Variants in SLC2A9 observed in about 807,000 individuals in gnomAD.
The protein encoded by SLC2A9 is solute carrier family 2 member 9.
A neutral mutation model predicts 50.6 loss-of-function variants in SLC2A9; 39 were observed. The observed-to-expected ratio is 0.77, with a 90% CI of 0.60 to 1.01. SLC2A9 has a LOEUF of 1.01. SLC2A9 is among the 50% of genes least tolerant of loss of function. SLC2A9 has a pLI of 0.00. For missense variants in SLC2A9, 686 were observed against 677.6 expected (o/e 1.01, Z -0.14); for synonymous variants, 324 against 276.9 (o/e 1.17, Z -1.69).
chr4:9,788,435 C>G (rs1444108294), intron 3 of SLC2A9, among the ~76,000 whole-genome samples: 2 of 150,964 alleles, frequency 1.3e-5, no homozygotes. Flanking sequence ...AAACAGACCT[C>G]CTGCCTCAGC....
At chr4:9,787,507 T>G (rs1296970444) in intron 3 of SLC2A9, among the ~76,000 whole-genome samples, 1 of 152,228 alleles carries the variant, frequency 6.6e-6, no homozygotes, top group African/African-American at 2.4e-5. Context: ...CTGAGTCATC[T>G]AAGATGTGAT....
At chr4:9,885,026 G>A (rs936370922) in intron 10 of SLC2A9, among the ~76,000 whole-genome samples, 3 of 152,168 alleles carry the variant, frequency 2.0e-5, no homozygotes, top group Non-Finnish European at 4.4e-5. Flanking sequence ...TCTGGGGTGG[G>A]AGTGGAGGGA....
At chr4:9,894,307 C>G (rs566138742) in intron 8 of SLC2A9, among the ~76,000 whole-genome samples, 3 of 151,870 alleles carry the variant, frequency 2.0e-5, no homozygotes, top group African/African-American at 7.3e-5. Flanking sequence ...CAATCTTAGG[C>G]GAAAAGAGTA....
chr4:9,934,586 T>A (rs1045166572), intron 6 of SLC2A9, among the ~76,000 whole-genome samples: 1 of 152,218 alleles, frequency 6.6e-6, no homozygotes, highest in Non-Finnish European at 1.5e-5. Flanking sequence ...GAGGAAACAG[T>A]CATCTGGAGA....
Position 9,785,120 on chromosome 4 carries a change from G to A in SLC2A9, n.386-5055C>T, listed in dbSNP as rs1197496588. ...CTAAGCGAACCATTAGGCAACATTAGGGGCAGTGAAAAGCACCCAGCTCTA... is the reference window on the plus strand; with the variant it reads ...CTAAGCGAACCATTAGGCAACATTAAGGGCAGTGAAAAGCACCCAGCTCTA... On this transcript the variant is annotated intron_variant and non_coding_transcript_variant, in intron 3 of 3. Transcript: ENST00000503803. 2.0e-5 allele frequency among the ~76,000 whole-genome samples: 3 copies of A among 152,160 alleles called. No homozygotes were observed. The East Asian group carries it at 5.8e-4, about 29-fold the overall frequency.
chr4:10,015,805 C>T (rs1762517271), intron 2 of SLC2A9, among the ~76,000 whole-genome samples: 1 of 152,220 alleles, frequency 6.6e-6, no homozygotes, highest in Admixed American at 6.5e-5. Flanking sequence ...CTGAAGACCC[C>T]AGGCTGTGCT....
intron 3 of SLC2A9, among the ~76,000 whole-genome samples, chr4:9,811,389 C>G (rs1453398934): frequency 6.6e-6 from 1 of 152,208 alleles, no homozygotes; most frequent in Non-Finnish European, 1.5e-5. Context: ...AGTTCTCAGC[C>G]TTGAGAGGCC....
intron 3 of SLC2A9, among the ~76,000 whole-genome samples, chr4:9,812,963 A>G (rs192134521): frequency 4.6e-5 from 7 of 152,332 alleles, no homozygotes; most frequent in Admixed American, 3.3e-4. Flanking sequence ...TATAGCAAAT[A>G]TCTTACACTG....
chr4:9,799,453 T>A (rs1292641646), intron 3 of SLC2A9, among the ~76,000 whole-genome samples: 1 of 152,130 alleles, frequency 6.6e-6, no homozygotes, highest in Non-Finnish European at 1.5e-5. Flanking sequence ...TTCATCTTCA[T>A]CTCTTTTATA....
chr4:9,834,794 A>C, intron 11 of SLC2A9, 87 bp downstream of exon 11: 1 of 1,582,388 alleles, frequency 6.3e-7, no homozygotes, highest in Non-Finnish European at 8.7e-7. Flanking sequence ...GAGAGGAGAG[A>C]GATCAACTTC....
chr4:9,880,648 G>C (rs1471657183), intron 10 of SLC2A9: 1 of 768,802 alleles, frequency 1.3e-6, no homozygotes, highest in African/African-American at 1.9e-5. Flanking sequence ...GTGCATGGGT[G>C]GGGAAGAAGG....
intron 11 of SLC2A9, among the ~76,000 whole-genome samples, chr4:9,827,296 G>T (rs982825821): frequency 6.6e-6 from 1 of 152,192 alleles, no homozygotes; most frequent in African/African-American, 2.4e-5. Flanking sequence ...TGGAATAAAA[G>T]ACTTGAAATC....
At chr4:9,895,621 G>T (rs1476854944) in intron 8 of SLC2A9, among the ~76,000 whole-genome samples, 2 of 152,208 alleles carry the variant, frequency 1.3e-5, no homozygotes, top group Non-Finnish European at 2.9e-5. Flanking sequence ...CTTCCCCACA[G>T]GGCTGGGACC....
At chr4:9,873,216 AGT>A (rs573605162) in intron 10 of SLC2A9, among the ~76,000 whole-genome samples, 53 of 152,180 alleles carry the variant, frequency 3.5e-4, no homozygotes, top group African/African-American at 1.2e-3. Context: ...CATGCATGTG[AGT>A]GTGTGTGTTT....
chr4:9,980,795 C>T, intron 4 of SLC2A9, 58 bp from the exon 5 acceptor site: 1 of 1,611,270 alleles, frequency 6.2e-7, no homozygotes. Flanking sequence ...GAGCTGCACT[C>T]TGGTTACAAT....
At chr4:9,783,186 C>A in intron 3 of SLC2A9, 1 of 1,614,218 alleles carries the variant, frequency 6.2e-7, no homozygotes, top group Non-Finnish European at 8.5e-7. Flanking sequence ...CCGGTGGAGA[C>A]GGTGAACATC....
downstream of SLC2A9, among the ~76,000 whole-genome samples, chr4:9,825,583 A>G (rs767292459): frequency 6.6e-6 from 1 of 152,048 alleles, no homozygotes; most frequent in Non-Finnish European, 1.5e-5. Context: ...ATCATCCTCA[A>G]CATTATTTTT....
At chr4:9,960,625 C>T (rs1752114992) in intron 5 of SLC2A9, among the ~76,000 whole-genome samples, 2 of 152,226 alleles carry the variant, frequency 1.3e-5, no homozygotes, top group Non-Finnish European at 2.9e-5. Context: ...GCTCACGTGG[C>T]ATTCAGCATC....
intron 3 of SLC2A9, among the ~76,000 whole-genome samples, chr4:9,786,723 A>G (rs1719264715): frequency 6.6e-6 from 1 of 152,216 alleles, no homozygotes; most frequent in African/African-American, 2.4e-5. Flanking sequence ...GTCCAAGGTC[A>G]TGGGAAAATT....
Sources: allele counts gnomAD v4.1 joint callset (sites outside exome capture counted in the v4.1 genomes callset), GRCh38; gene constraint gnomAD v4.1.1; transcripts MANE v1.5; gene names NCBI Gene and HGNC (gene_info 2026-07-23, HGNC 2026-07-21).